DEFB107A: variants seen among roughly 807,000 people sequenced by gnomAD.
DEFB107A encodes defensin beta 107A, also known as beta-defensin 107.
At chr8:7,812,761 G>T (rs1817113845) in intron 1 of DEFB107A, among the ~76,000 whole-genome samples, 1 of 135,024 alleles carries the variant, frequency 7.4e-6, no homozygotes, top group South Asian at 2.8e-4. Flanking sequence ...TTTTGTTAGT[G>T]CCAAGTTAAG....
intron 1 of DEFB107A, among the ~76,000 whole-genome samples, chr8:7,812,988 C>G (rs1296774801): frequency 2.6e-5 from 4 of 151,520 alleles, no homozygotes; most frequent in African/African-American, 7.3e-5. Flanking sequence ...GTGTTCAATA[C>G]TGAATCAGGG....
chr8:7,812,985 A>G (rs1399828968), intron 1 of DEFB107A, among the ~76,000 whole-genome samples: 8 of 151,558 alleles, frequency 5.3e-5, no homozygotes, highest in Non-Finnish European at 1.0e-4. Flanking sequence ...AGGGTGTTCA[A>G]TACTGAATCA....
chr8:7,812,968 C>T (rs1290911570), intron 1 of DEFB107A, among the ~76,000 whole-genome samples: 1 of 151,358 alleles, frequency 6.6e-6, no homozygotes, highest in African/African-American at 2.4e-5. Flanking sequence ...TATATATATA[C>T]ATGTATAGGG....
At chr8:7,814,055 A>G (rs1817160272) in intron 1 of DEFB107A, among the ~76,000 whole-genome samples, 1 of 86,240 alleles carries the variant, frequency 1.2e-5, no homozygotes, top group African/African-American at 4.1e-5. Flanking sequence ...TCTGTTCTTT[A>G]GTTCTAGTCT....
At chr8:7,814,041 T>C (rs1402347214) in intron 1 of DEFB107A, among the ~76,000 whole-genome samples, 2 of 92,370 alleles carry the variant, frequency 2.2e-5, no homozygotes, top group Non-Finnish European at 4.4e-5. Context: ...CATTGTTCCC[T>C]GGCTCTGTTC....
chr8:7,814,863 G>T (rs1585682787), intron 1 of DEFB107A, among the ~76,000 whole-genome samples: 4 of 61,066 alleles, frequency 6.6e-5, no homozygotes, highest in African/African-American at 2.0e-4. Context: ...TACAAAGGCT[G>T]TACTTCCCTA....
intron 1 of DEFB107A, among the ~76,000 whole-genome samples, chr8:7,813,728 C>G (rs545076184): frequency 6.6e-6 from 1 of 152,192 alleles, no homozygotes; most frequent in East Asian, 1.9e-4. Flanking sequence ...ACTTCTAACT[C>G]TGAGATTCTA....
At chr8:7,812,575 A>C (rs1165153027) in intron 1 of DEFB107A, among the ~76,000 whole-genome samples, 3 of 133,820 alleles carry the variant, frequency 2.2e-5, no homozygotes, top group African/African-American at 7.6e-5. Flanking sequence ...AGAGGAAAAA[A>C]TATGTCAAAA....
chr8:7,812,711 T>C (rs1292636606), intron 1 of DEFB107A, among the ~76,000 whole-genome samples: 4 of 136,902 alleles, frequency 2.9e-5, no homozygotes, highest in African/African-American at 1.0e-4. Flanking sequence ...ACAGTACATA[T>C]TAGCTGCCAT....
At chr8:7,814,830 C>T (rs954852374) in intron 1 of DEFB107A, among the ~76,000 whole-genome samples, 1 of 51,104 alleles carries the variant, frequency 2.0e-5, no homozygotes, top group African/African-American at 8.0e-5. Context: ...AATCTAGTAA[C>T]ATAACTTTAG....
In DEFB107A at chr8:7,813,408, G is replaced by T. The variant is rs557680132; in HGVS notation, c.71-1458C>A. Among the ~76,000 whole-genome samples, 11 of 148,300 alleles carry T rather than the reference G, an allele frequency of 7.4e-5. No individual in the cohort carries two copies. In the South Asian group the frequency reaches 2.5e-3, roughly 34 times the overall value. ...TTCAGCCCAAATCACAACATAACTT[G>T]GTGAAAAAGAACCCTCTACCCGCAC... is the stretch of plus-strand genomic sequence containing the variant. On this transcript the variant is annotated intron_variant, in intron 1 of 1. Transcript: ENST00000335021.
At chr8:7,813,131 T>A (rs1278462695) in intron 1 of DEFB107A, among the ~76,000 whole-genome samples, 2 of 105,968 alleles carry the variant, frequency 1.9e-5, no homozygotes, top group African/African-American at 5.4e-5. Context: ...GCAGTCATTT[T>A]TACCTTCAGA....
intron 1 of DEFB107A, among the ~76,000 whole-genome samples, chr8:7,813,809 C>T (rs1817150654): frequency 6.6e-6 from 1 of 151,616 alleles, no homozygotes; most frequent in Non-Finnish European, 1.5e-5. Flanking sequence ...TCAAATACAT[C>T]TGAGATGAGT....
intron 1 of DEFB107A, among the ~76,000 whole-genome samples, chr8:7,813,089 G>A (rs1817125470): frequency 7.3e-6 from 1 of 136,648 alleles, no homozygotes; most frequent in African/African-American, 2.5e-5. Context: ...TGCTCAAGCA[G>A]TTATACAGAG....
intron 1 of DEFB107A, among the ~76,000 whole-genome samples, chr8:7,813,316 C>A (rs4503117): frequency 0.012 from 1,723 of 143,276 alleles, 4 homozygotes; most frequent in East Asian, 0.032. Flanking sequence ...TACTTTCTAA[C>A]CCTGCCTGTT....
intron 1 of DEFB107A, among the ~76,000 whole-genome samples, chr8:7,814,185 C>T (rs1456025267): frequency 2.1e-4 from 3 of 14,024 alleles, no homozygotes; most frequent in African/African-American, 3.5e-4. Flanking sequence ...TTTTATGGCA[C>T]TTGTGAAAAC....
chr8:7,813,882 T>G (rs531103870), intron 1 of DEFB107A, among the ~76,000 whole-genome samples: 59 of 149,974 alleles, frequency 3.9e-4, no homozygotes, highest in African/African-American at 1.4e-3. Context: ...ATTGGAGTAC[T>G]GATTAAAGTG....
chr8:7,815,247 CAAAAAAAAAA>C (rs1160791841), intron 1 of DEFB107A, among the ~76,000 whole-genome samples: 2 of 7,080 alleles, frequency 2.8e-4, no homozygotes, highest in South Asian at 0.025. Flanking sequence ...GACTCCGTCT[CAAAAAAAAAA>C]AAAAAAAAAA....
At chr8:7,812,607 A>G (rs1817108092) in intron 1 of DEFB107A, among the ~76,000 whole-genome samples, 1 of 134,136 alleles carries the variant, frequency 7.5e-6, no homozygotes, top group South Asian at 2.8e-4. Flanking sequence ...TTTAATTGGT[A>G]AGATACATTC....
Sources: allele counts gnomAD v4.1 joint callset (sites outside exome capture counted in the v4.1 genomes callset), GRCh38; gene constraint gnomAD v4.1.1; transcripts MANE v1.5; gene names NCBI Gene and HGNC (gene_info 2026-07-23, HGNC 2026-07-21).